The following ZNF766 variants were observed in gnomAD, a reference collection of about 807,000 sequenced individuals.
ZNF766 encodes zinc finger protein 766.
A neutral mutation model predicts 13.2 loss-of-function variants in ZNF766; 13 were observed. The observed-to-expected ratio is 0.98, with a 90% CI of 0.64 to 1.56. ZNF766 has a LOEUF of 1.56. ZNF766 is among the 40% of genes most tolerant of loss of function. The pLI is 0.00. For missense variants in ZNF766, 521 were observed against 552.2 expected (o/e 0.94, Z 0.57); for synonymous variants, 178 against 187.6 (o/e 0.95, Z 0.42).
At chr19:52,283,830 C>G (rs890315511) in intron 3 of ZNF766, among the ~76,000 whole-genome samples, 6 of 152,152 alleles carry the variant, frequency 3.9e-5, no homozygotes, top group African/African-American at 1.4e-4. Context: ...CTCCGCCTCC[C>G]GGGTACAAGT....
chr19:52,271,402 C>T (rs1007528187), intron 1 of ZNF766, among the ~76,000 whole-genome samples: 1 of 152,064 alleles, frequency 6.6e-6, no homozygotes, highest in African/African-American at 2.4e-5. Flanking sequence ...AACACGTGCA[C>T]ATTTCCATCT....
chr19:52,287,498 TTGAA>T (rs1981892440), intron 3 of ZNF766, among the ~76,000 whole-genome samples: 1 of 152,240 alleles, frequency 6.6e-6, no homozygotes, highest in Admixed American at 6.5e-5. Flanking sequence ...ACTGGCCTCA[TTGAA>T]TGTGTGTAGA....
intron 1 of ZNF766, chr19:52,277,421 G>A (rs1468372573): frequency 1.8e-5 from 26 of 1,475,984 alleles, no homozygotes; most frequent in South Asian, 7.4e-5. Context: ...ATCGGGCCAC[G>A]GCACTCCAGC....
chr19:52,294,596 T>G lies in ZNF766; in HGVS notation c.*3398T>G, dbSNP rs893077801. ...GGGTGCCCACTTGTGGTTTGAACTT[T>G]CAGCTGGTGCCAAAGGAGTGGGCAC... On this transcript the variant is annotated 3_prime_UTR_variant, in exon 4 of 4. Coordinates refer to ENST00000439461, the MANE Select transcript of ZNF766 (RefSeq NM_001010851.3). The G allele has an allele frequency of 6.6e-6, 1 of 152,182 alleles. No homozygotes were observed. The highest frequency in any genetic ancestry group is 1.5e-5 in the Non-Finnish European group (1 of 68,058). 9.4% of individuals were successfully genotyped at this position (152,182 alleles called of 1,614,324 possible).
chr19:52,286,322 C>T (rs10401804), intron 3 of ZNF766, among the ~76,000 whole-genome samples: 23,413 of 119,632 alleles, frequency 0.2, 2,042 homozygotes, highest in East Asian at 0.31. Context: ...GTTTTTCTTT[C>T]TTTTTTTTTT....
At position 52,294,621 on chromosome 19, in the gene ZNF766, C is replaced by T. The variant is rs908193965; in HGVS notation, c.*3423C>T. The T allele has an allele frequency of 2.0e-5, 3 of 152,120 alleles. No individual in the cohort carries two copies. The highest frequency in any genetic ancestry group is 1.9e-4 in the East Asian group (1 of 5,192). The allele number at this position is 152,120 out of a possible 1,614,324, so 9.4% of individuals were successfully genotyped here. On this transcript the variant is annotated 3_prime_UTR_variant, in exon 4 of 4. Coordinates refer to ENST00000439461, the MANE Select transcript of ZNF766 (RefSeq NM_001010851.3). Reference sequence around the variant, plus strand: ...TCAGCTGGTGCCAAAGGAGTGGGCACTGAGGATTTTTCAGTTGACCAGATG... The same window carrying T: ...TCAGCTGGTGCCAAAGGAGTGGGCATTGAGGATTTTTCAGTTGACCAGATG...
Position 52,292,513 on chromosome 19 carries a change from A to G in ZNF766, c.*1315A>G. 3.6e-6 allele frequency: 1 copy of G among 275,092 alleles called. No individual in the cohort carries two copies. The highest frequency in any genetic ancestry group is 6.8e-6 in the Non-Finnish European group (1 of 147,638). The allele number at this position is 275,092 out of a possible 1,614,324, so 17.0% of individuals were successfully genotyped here. A position where few individuals can be genotyped will look rare whatever the true frequency, so the allele number is the denominator to read the frequency against. On this transcript the variant is annotated 3_prime_UTR_variant, in exon 4 of 4. Transcript: ENST00000439461. ...AAATGGTGGCCACCGTCTCCATTGA[A>G]TAGCAATAGCTGCTGTTTAGCAAAG... is the stretch of plus-strand genomic sequence containing the variant.
At position 52,290,500 on chromosome 19, in the gene ZNF766, C is replaced by G. The variant is rs746640811; in HGVS notation, c.709C>G (p.Arg237Gly). The change falls in exon 4 of 4, where the codon CGT (arginine) becomes GGT (glycine). Residue 237 changes from arginine to glycine, a missense_variant. Arg to Gly is a moderately radical substitution (Grantham distance 125). Coordinates refer to ENST00000439461, the MANE Select transcript of ZNF766 (RefSeq NM_001010851.3). ...AGGCCTCGCAGAACATTGGAGAATT[C>G]GTACAGGAGAGAAACCTTACAAATG... ...KSGLAEHWRI[R>G]TGEKPYKCKE... 6.2e-7 allele frequency: 1 copy of G among 1,614,020 alleles called. No homozygotes were observed. The highest frequency in any genetic ancestry group is 1.3e-5 in the African/African-American group (1 of 75,036).
intron 1 of ZNF766, among the ~76,000 whole-genome samples, chr19:52,274,105 C>G (rs759311382): frequency 5.9e-5 from 9 of 152,204 alleles, no homozygotes; most frequent in Non-Finnish European, 1.0e-4. Flanking sequence ...CAGGATGATA[C>G]AATCTCTCAC....
At position 52,295,986 on chromosome 19, in the gene ZNF766, G is replaced by A. The variant is rs1982330362; in HGVS notation, c.*4788G>A. 1 of 151,966 alleles carries A rather than the reference G, an allele frequency of 6.6e-6. No homozygotes were observed. 9.4% of individuals were successfully genotyped at this position (151,966 alleles called of 1,614,324 possible). A position where few individuals can be genotyped will look rare whatever the true frequency, so the allele number is the denominator to read the frequency against. ...TATTAACCCTGTGTATCAATTTGGG[G>A]TAATTTCACATTTTTTTCTATGTTG... On this transcript the variant is annotated 3_prime_UTR_variant, in exon 4 of 4. Transcript: ENST00000439461.
rs1982132857 is a variant in ZNF766 at position 52,291,281 on chromosome 19, A to G, written c.*83A>G. 3 of 1,345,464 alleles carry G rather than the reference A, an allele frequency of 2.2e-6. No individual in the cohort carries two copies. Among genetic ancestry groups the G allele is most frequent in the Middle Eastern group, 3.9e-4 (2 of 5,124 alleles). 83.3% of individuals were successfully genotyped at this position (1,345,464 alleles called of 1,614,324 possible). The stretch of plus-strand genomic sequence containing the variant: ...GAAAGAAATCATTTAAATGTACTAT[A>G]TGTGGCACAGGCTGTATCGAGACCT... On this transcript the variant is annotated 3_prime_UTR_variant, in exon 4 of 4. Coordinates refer to ENST00000439461, the MANE Select transcript of ZNF766 (RefSeq NM_001010851.3).
intron 1 of ZNF766, among the ~76,000 whole-genome samples, chr19:52,280,043 G>A (rs932049305): frequency 1.8e-4 from 28 of 152,098 alleles, no homozygotes; most frequent in Admixed American, 1.6e-3. Context: ...TGATCCGCCC[G>A]CCTCAGCCTC....
Position 52,296,019 on chromosome 19 carries a change from CAAT to C in ZNF766, c.*4824_*4826del, listed in dbSNP as rs1982331752. 6.6e-6 allele frequency: 1 copy of C among 151,668 alleles called. No individual in the cohort carries two copies. Among genetic ancestry groups the C allele is most frequent in the Admixed American group, 6.6e-5 (1 of 15,240 alleles). The allele number at this position is 151,668 out of a possible 1,614,324, so 9.4% of individuals were successfully genotyped here. A position where few individuals can be genotyped will look rare whatever the true frequency, so the allele number is the denominator to read the frequency against. On this transcript the variant is annotated 3_prime_UTR_variant, in exon 4 of 4. Transcript: ENST00000439461. ...ACATTTTTTTCTATGTTGAGTTTAT[CAAT>C]AAATTGATATTGTATATGTCTCTAT...
Position 52,283,373 on chromosome 19 carries a change from A to C in ZNF766, c.234A>C (p.Lys78Asn). The C allele has an allele frequency of 6.2e-7, 1 of 1,611,560 alleles. No homozygotes were observed. The highest frequency in any genetic ancestry group is 1.1e-5 in the South Asian group (1 of 90,850). Reference protein sequence around the residue: ...WTVENEMKVAKNPDRWEGIKD... With the variant: ...WTVENEMKVANNPDRWEGIKD... ...TGGAGAATGAAATGAAAGTAGCAAA[A>C]AATCCAGATAGGTGGGAAGGTATCA... Residue 78 changes from lysine (K) to asparagine (N), a missense_variant, in exon 3 of 4, where the codon AAA becomes AAC. Transcript: ENST00000439461.
chr19:52,291,246 GTC>G lies in ZNF766; in HGVS notation c.*50_*51del, dbSNP rs1982131020. 1 of 1,496,510 alleles carries G rather than the reference GTC, an allele frequency of 6.7e-7. No individual in the cohort carries two copies. Among genetic ancestry groups the G allele is most frequent in the Non-Finnish European group, 9.0e-7 (1 of 1,116,258 alleles). The allele number at this position is 1,496,510 out of a possible 1,614,324, so 92.7% of individuals were successfully genotyped here. On this transcript the variant is annotated 3_prime_UTR_variant, in exon 4 of 4. Coordinates refer to ENST00000439461, the MANE Select transcript of ZNF766 (RefSeq NM_001010851.3). ...TTCTAGCAGTAATCAACATCCGAGA[GTC>G]TATACTAGAAAGAAATCATTTAAAT...
intron 3 of ZNF766, among the ~76,000 whole-genome samples, chr19:52,285,701 G>A (rs375337200): frequency 5.9e-5 from 9 of 152,322 alleles, no homozygotes; most frequent in African/African-American, 2.2e-4. Flanking sequence ...TGTGACATCA[G>A]CATTCCTTCC....
At chr19:52,281,352 C>G (rs1293226755) in intron 1 of ZNF766, 1 of 261,484 alleles carries the variant, frequency 3.8e-6, no homozygotes, top group Non-Finnish European at 7.6e-6. Context: ...AACCTTGTCT[C>G]TACTGAAAAT....
chr19:52,289,725 G>T (rs1330528180), intron 3 of ZNF766, among the ~76,000 whole-genome samples: 2 of 152,110 alleles, frequency 1.3e-5, no homozygotes, highest in Non-Finnish European at 2.9e-5. Flanking sequence ...CAGAGTCCGG[G>T]CGCGGTGGCT....
chr19:52,281,120 A>G (rs1293170217), intron 1 of ZNF766, among the ~76,000 whole-genome samples: 1 of 151,188 alleles, frequency 6.6e-6, no homozygotes. Flanking sequence ...GCACCATTGC[A>G]CTTGAGCCTG....
Sources: allele counts gnomAD v4.1 joint callset (sites outside exome capture counted in the v4.1 genomes callset), GRCh38; gene constraint gnomAD v4.1.1; transcripts MANE v1.5; gene names NCBI Gene and HGNC (gene_info 2026-07-23, HGNC 2026-07-21).